Variants in KAZN observed in about 807,000 individuals in gnomAD.
KAZN encodes kazrin.
A neutral mutation model predicts 87.4 loss-of-function variants in KAZN; 40 were observed. The observed-to-expected ratio is 0.46, with a 90% CI of 0.36 to 0.60. KAZN has a LOEUF of 0.60. Ranked by LOEUF, KAZN falls within the 20% of genes least tolerant of loss-of-function variation. The pLI is 0.00. For synonymous variants in KAZN, 466 were observed against 458.3 expected, an observed-to-expected ratio of 1.02 and a Z score of -0.22; for missense variants, 898 against 1,073.9, an observed-to-expected ratio of 0.84 and a Z score of 2.29.
intron 1 of KAZN, among the ~76,000 whole-genome samples, chr1:14,848,659 C>T (rs2100968550): frequency 6.6e-6 from 1 of 152,316 alleles, no homozygotes; most frequent in African/African-American, 2.4e-5. Flanking sequence ...CTACAGATGT[C>T]AACTGTCAGT....
intron 2 of KAZN, among the ~76,000 whole-genome samples, chr1:14,523,991 C>T (rs1482550562): frequency 6.7e-6 from 1 of 148,914 alleles, no homozygotes; most frequent in African/African-American, 2.5e-5. Flanking sequence ...GCGTGTCACT[C>T]GTTTTGTTTT....
chr1:14,341,585 G>A (rs536091011), intron 2 of KAZN, among the ~76,000 whole-genome samples: 6 of 152,240 alleles, frequency 3.9e-5, no homozygotes, highest in African/African-American at 1.4e-4. Flanking sequence ...GGCACAGACT[G>A]CTCTCTCCAC....
At chr1:14,397,442 C>T (rs572900980) in intron 2 of KAZN, among the ~76,000 whole-genome samples, 70 of 152,178 alleles carry the variant, frequency 4.6e-4, no homozygotes, top group African/African-American at 1.7e-3. Context: ...GGAGTTTCAC[C>T]CCCATTTACC....
intron 2 of KAZN, among the ~76,000 whole-genome samples, chr1:14,189,607 C>T (rs1646382453): frequency 6.6e-6 from 1 of 152,174 alleles, no homozygotes; most frequent in Admixed American, 6.5e-5. Context: ...CTCTCTCACC[C>T]TCCTTAGCAG....
At chr1:14,294,615 C>G (rs1653974771) in intron 2 of KAZN, among the ~76,000 whole-genome samples, 1 of 148,526 alleles carries the variant, frequency 6.7e-6, no homozygotes, top group South Asian at 2.2e-4. Context: ...GATGGGGGTT[C>G]TTCTTTCCAG....
chr1:14,176,770 ATTTG>A (rs1438202830), intron 1 of KAZN, among the ~76,000 whole-genome samples: 1 of 152,122 alleles, frequency 6.6e-6, no homozygotes, highest in African/African-American at 2.4e-5. Context: ...TTTATTTATT[ATTTG>A]TTTAATTTTT....
chr1:14,937,760 C>G (rs1048419010), intron 1 of KAZN, among the ~76,000 whole-genome samples: 2 of 152,252 alleles, frequency 1.3e-5, no homozygotes, highest in Admixed American at 6.5e-5. Context: ...CATCTGGCTC[C>G]TCTCAGTCTT....
At chr1:14,806,318 G>T (rs761848450) in intron 1 of KAZN, among the ~76,000 whole-genome samples, 3 of 152,224 alleles carry the variant, frequency 2.0e-5, no homozygotes, top group Admixed American at 6.5e-5. Flanking sequence ...AGGGGGTTTT[G>T]GCTAGCAGCT....
rs528893001 is a variant in KAZN, at chr1:15,035,004, T to G, written c.555+119T>G. 912 of 1,264,974 alleles carry G rather than the reference T, an allele frequency of 7.2e-4. 1 individual carries two copies. Among genetic ancestry groups the G allele is most frequent in the Non-Finnish European group, 9.6e-4 (868 of 902,554 alleles). The allele number at this position is 1,264,974 out of a possible 1,614,324, so 78.4% of individuals were successfully genotyped here. ...TCCCCAAACACAGATAGGGAGGCCC[T>G]TGATGTGTCCAGCCAGGCCTAGGCA... is the stretch of plus-strand genomic sequence containing the variant. On this transcript the variant is annotated intron_variant, in intron 3 of 14. Coordinates refer to ENST00000376030, the MANE Select transcript of KAZN (RefSeq NM_201628.3).
intron 1 of KAZN, among the ~76,000 whole-genome samples, chr1:14,026,274 A>G (rs2101293619): frequency 6.6e-6 from 1 of 152,272 alleles, no homozygotes; most frequent in African/African-American, 2.4e-5. Context: ...GGCAACAGTG[A>G]GTGGCACATT....
intron 2 of KAZN, among the ~76,000 whole-genome samples, chr1:14,381,974 G>A (rs1661405431): frequency 6.6e-6 from 1 of 152,158 alleles, no homozygotes; most frequent in African/African-American, 2.4e-5. Context: ...AACATATTTA[G>A]TAAAGTTGCA....
chr1:14,598,266 G>C (rs554122573), upstream of KAZN, among the ~76,000 whole-genome samples: 19 of 152,150 alleles, frequency 1.2e-4, no homozygotes, highest in Non-Finnish European at 2.1e-4. This position sits in a 1 kb window ranked among gnomAD's most constrained non-coding sequence, Gnocchi z 4.2. Flanking sequence ...GCAGTTTAAG[G>C]AACCGGTGGA....
At chr1:14,235,838 CCTT>C (rs1648370195) in intron 2 of KAZN, among the ~76,000 whole-genome samples, 1 of 152,050 alleles carries the variant, frequency 6.6e-6, no homozygotes, top group African/African-American at 2.4e-5. Flanking sequence ...GAAACAGCAC[CCTT>C]CTTAGCAATC....
intron 1 of KAZN, among the ~76,000 whole-genome samples, chr1:14,726,776 T>G (rs540811889): frequency 2.0e-5 from 3 of 152,292 alleles, no homozygotes; most frequent in South Asian, 4.1e-4. Context: ...GACATGCAGA[T>G]TCTCAGGCCC....
chr1:14,124,063 T>C (rs1644809725), intron 1 of KAZN, among the ~76,000 whole-genome samples: 1 of 152,220 alleles, frequency 6.6e-6, no homozygotes, highest in African/African-American at 2.4e-5. Context: ...ATTTCCAAGA[T>C]GCATTTCACA....
intron 1 of KAZN, among the ~76,000 whole-genome samples, chr1:14,798,432 T>A (rs1442446073): frequency 1.4e-4 from 18 of 129,802 alleles, no homozygotes; most frequent in Non-Finnish European, 2.5e-4. Context: ...TTTTTTTTTT[T>A]TTTTTTTTTT....
intron 2 of KAZN, among the ~76,000 whole-genome samples, chr1:14,348,518 C>G (rs1458980591): frequency 3.3e-5 from 5 of 152,210 alleles, no homozygotes; most frequent in Non-Finnish European, 7.3e-5. Flanking sequence ...TGGCTGTTCA[C>G]AGTTGCCTGG....
At chr1:14,819,455 C>A (rs1353026207) in intron 1 of KAZN, among the ~76,000 whole-genome samples, 1 of 152,094 alleles carries the variant, frequency 6.6e-6, no homozygotes, top group Non-Finnish European at 1.5e-5. Flanking sequence ...GACCGTTGTT[C>A]TTATGGGTGG....
chr1:14,361,448 G>A (rs1384796306), intron 2 of KAZN, among the ~76,000 whole-genome samples: 1 of 152,222 alleles, frequency 6.6e-6, no homozygotes, highest in African/African-American at 2.4e-5. Flanking sequence ...CCCTCTTCCA[G>A]AGGAGTGAAC....
Sources: allele counts gnomAD v4.1 joint callset (sites outside exome capture counted in the v4.1 genomes callset), GRCh38; gene constraint gnomAD v4.1.1; non-coding constraint Gnocchi (gnomAD v3.1); transcripts MANE v1.5; gene names NCBI Gene and HGNC (gene_info 2026-07-23, HGNC 2026-07-21).